HEMK2: variants seen among roughly 807,000 people sequenced by gnomAD.
HEMK2 encodes HemK methyltransferase 2, ETF1 glutamine and histone H4 lysine.
At chr21:28,837,191 T>C in the HEMK2 span, among the ~76,000 whole-genome samples, 1 of 152,166 alleles carries the variant, frequency 6.6e-6, no homozygotes, top group Admixed American at 6.5e-5. Context: ...TTGGAACAAA[T>C]GGACTTAACA....
the HEMK2 span, among the ~76,000 whole-genome samples, chr21:28,801,011 C>T: frequency 5.9e-5 from 9 of 152,270 alleles, no homozygotes; most frequent in Admixed American, 1.3e-4. Flanking sequence ...CAGAGGTTTA[C>T]GGGTCAGGAC....
At chr21:28,655,891 T>G in the HEMK2 span, among the ~76,000 whole-genome samples, 1 of 152,070 alleles carries the variant, frequency 6.6e-6, no homozygotes, top group Non-Finnish European at 1.5e-5. Flanking sequence ...ATAGGACTTT[T>G]GGCAACTTTT....
At chr21:28,820,541 T>G in the HEMK2 span, among the ~76,000 whole-genome samples, 1 of 152,280 alleles carries the variant, frequency 6.6e-6, no homozygotes, top group East Asian at 1.9e-4. Context: ...CCCCTAAAAT[T>G]ATCCACACTT....
chr21:28,659,442 AG>A, the HEMK2 span, among the ~76,000 whole-genome samples: 1 of 152,156 alleles, frequency 6.6e-6, no homozygotes, highest in East Asian at 1.9e-4. Flanking sequence ...CTCATTTTTC[AG>A]CACCTTTATC....
chr21:28,862,973 G>A, the HEMK2 span, among the ~76,000 whole-genome samples: 1 of 152,250 alleles, frequency 6.6e-6, no homozygotes, highest in Admixed American at 6.5e-5. Flanking sequence ...TGAAGATTAT[G>A]TGTGATCTCA....
At chr21:28,593,523 AC>A in the HEMK2 span, among the ~76,000 whole-genome samples, 1 of 152,178 alleles carries the variant, frequency 6.6e-6, no homozygotes. Context: ...TTCAATACAA[AC>A]AAACATCACT....
the HEMK2 span, among the ~76,000 whole-genome samples, chr21:28,665,144 G>A: frequency 4.6e-5 from 7 of 151,128 alleles, no homozygotes; most frequent in Non-Finnish European, 1.0e-4. Context: ...AATTAGCCAG[G>A]AGTGGCGGCA....
chr21:28,763,493 C>A, the HEMK2 span, among the ~76,000 whole-genome samples: 1 of 152,020 alleles, frequency 6.6e-6, no homozygotes, highest in East Asian at 1.9e-4. Flanking sequence ...GAGATCAGAC[C>A]CCACGATCCA....
At chr21:28,711,131 T>TA in the HEMK2 span, among the ~76,000 whole-genome samples, 8 of 152,112 alleles carry the variant, frequency 5.3e-5, no homozygotes, top group South Asian at 8.3e-4. Flanking sequence ...TACTTTTAAT[T>TA]AAAAAATAAA....
At chr21:28,693,060 C>T in the HEMK2 span, among the ~76,000 whole-genome samples, 1 of 151,944 alleles carries the variant, frequency 6.6e-6, no homozygotes, top group Non-Finnish European at 1.5e-5. Context: ...TGAAAATATT[C>T]TGGAATTAGA....
chr21:28,825,996 G>A, the HEMK2 span, among the ~76,000 whole-genome samples: 1 of 152,244 alleles, frequency 6.6e-6, no homozygotes, highest in African/African-American at 2.4e-5. Flanking sequence ...GATGCTCATT[G>A]CAACCTATAG....
the HEMK2 span, among the ~76,000 whole-genome samples, chr21:28,620,779 T>G: frequency 4.0e-5 from 6 of 148,190 alleles, no homozygotes; most frequent in Non-Finnish European, 5.9e-5. Context: ...GTGCAAGAGA[T>G]TCTCCTGCCT....
At chr21:28,878,275 A>G in the HEMK2 span, 1 of 1,612,230 alleles carries the variant, frequency 6.2e-7, no homozygotes, top group Non-Finnish European at 8.5e-7. Flanking sequence ...AAACCTGTCC[A>G]TGACTTCCCG....
At chr21:28,836,488 C>G in the HEMK2 span, among the ~76,000 whole-genome samples, 1 of 151,940 alleles carries the variant, frequency 6.6e-6, no homozygotes, top group South Asian at 2.1e-4. Flanking sequence ...AAAAGGAGCT[C>G]TAAATCTTGA....
the HEMK2 span, among the ~76,000 whole-genome samples, chr21:28,742,109 T>C: frequency 0.23 from 34,789 of 152,034 alleles, 4,625 homozygotes; most frequent in African/African-American, 0.35. Context: ...CCATGCCTGT[T>C]TGTATATGTA....
At chr21:28,811,853 C>T in the HEMK2 span, among the ~76,000 whole-genome samples, 2 of 152,192 alleles carry the variant, frequency 1.3e-5, no homozygotes, top group Non-Finnish European at 2.9e-5. Flanking sequence ...CAACTGGTTG[C>T]TTAATGTTCC....
the HEMK2 span, among the ~76,000 whole-genome samples, chr21:28,635,615 A>C: frequency 6.6e-6 from 1 of 152,222 alleles, no homozygotes; most frequent in Admixed American, 6.5e-5. Context: ...GCATGGTTCT[A>C]CACATCTTAT....
At chr21:28,745,188 G>A in the HEMK2 span, among the ~76,000 whole-genome samples, 1 of 152,144 alleles carries the variant, frequency 6.6e-6, no homozygotes, top group East Asian at 1.9e-4. Flanking sequence ...ATCTCTAAGA[G>A]CTTACAAGAT....
the HEMK2 span, among the ~76,000 whole-genome samples, chr21:28,630,860 C>T: frequency 2.0e-5 from 3 of 151,800 alleles, no homozygotes; most frequent in Non-Finnish European, 4.4e-5. Context: ...AGCACACCAA[C>T]ACGGCACATG....
Sources: gnomAD v4.1 joint callset for allele counts (sites outside exome capture counted in the v4.1 genomes callset) on GRCh38, gnomAD v4.1.1 for gene constraint, MANE v1.5 for transcripts, NCBI Gene and HGNC (gene_info 2026-07-23, HGNC 2026-07-21) for gene names.